BIRC6: variants seen among roughly 807,000 people sequenced by gnomAD.
BIRC6 encodes the protein baculoviral IAP repeat containing 6, also known as dual E2 ubiquitin-conjugating enzyme/E3 ubiquitin-protein ligase BIRC6.
In BIRC6, 98 loss-of-function variants were observed where a neutral mutation model predicts 503.3. That is an observed-to-expected ratio of 0.19 (90% CI 0.17 to 0.23). The LOEUF is 0.23. Among genes scored for constraint, BIRC6 ranks in the 10% least tolerant of loss-of-function variants. The pLI is 1.00. For missense variants in BIRC6, 5,360 were observed against 5,806.0 expected (o/e 0.92, Z 2.50); for synonymous variants, 2,240 against 2,078.7 (o/e 1.08, Z -2.11).
At chr2:32,509,442 A>G (rs1163365787) in intron 51 of BIRC6, among the ~76,000 whole-genome samples, 1 of 152,050 alleles carries the variant, frequency 6.6e-6, no homozygotes, top group Non-Finnish European at 1.5e-5. Flanking sequence ...TTTAGTAGAT[A>G]AGGGGTTTCA....
intron 65 of BIRC6, among the ~76,000 whole-genome samples, chr2:32,555,706 C>G (rs2058724237): frequency 6.6e-6 from 1 of 151,736 alleles, no homozygotes; most frequent in Admixed American, 6.6e-5. Context: ...TGTGGTGGCT[C>G]ACATCTGCAA....
At chr2:32,539,196 T>C (rs2057466575) in intron 61 of BIRC6, among the ~76,000 whole-genome samples, 1 of 152,226 alleles carries the variant, frequency 6.6e-6, no homozygotes, top group Non-Finnish European at 1.5e-5. Flanking sequence ...TTTAATAGCT[T>C]CAAAGTACAT....
chr2:32,504,492 C>G (rs1226111565), intron 49 of BIRC6, among the ~76,000 whole-genome samples: 1 of 151,586 alleles, frequency 6.6e-6, no homozygotes, highest in African/African-American at 2.4e-5. Context: ...ACGGTGAAAC[C>G]CCGTCTCTAC....
intron 1 of BIRC6, among the ~76,000 whole-genome samples, chr2:32,371,801 C>T (rs2035999306): frequency 6.6e-6 from 1 of 151,782 alleles, no homozygotes; most frequent in Non-Finnish European, 1.5e-5. Flanking sequence ...CATGTTTATT[C>T]TTTTTTTGTT....
intron 23 of BIRC6, among the ~76,000 whole-genome samples, chr2:32,461,042 CTTCTCTTCTCTTCTCTTCTCTTCTGTT>C (rs2047871457): frequency 1.3e-5 from 1 of 76,220 alleles, no homozygotes; most frequent in Admixed American, 1.4e-4. Context: ...CTTCTCTTCT[CTTCTCTTCTCTTCTCTTCTCTTCTGTT>C]CTCCTCTCCT....
chr2:32,503,747 T>C (rs2149494176), intron 49 of BIRC6, among the ~76,000 whole-genome samples: 1 of 151,950 alleles, frequency 6.6e-6, no homozygotes, highest in South Asian at 2.1e-4. Context: ...AACAGTTCTT[T>C]AGCAGTAAAG....
chr2:32,450,306 G>A (rs1395956724), intron 22 of BIRC6, among the ~76,000 whole-genome samples: 2 of 152,096 alleles, frequency 1.3e-5, no homozygotes, highest in African/African-American at 4.8e-5. Flanking sequence ...GTGAAACCCC[G>A]TCTCTACTAA....
At chr2:32,432,374 C>T (rs1037481137) in intron 12 of BIRC6, among the ~76,000 whole-genome samples, 7 of 152,016 alleles carry the variant, frequency 4.6e-5, no homozygotes, top group African/African-American at 1.7e-4. Context: ...AAGATTACGC[C>T]CCACTGCACT....
chr2:32,431,181 C>CTTTGTTTTTTTTTT (rs2044060115), intron 12 of BIRC6, 91 bp downstream of exon 12: 1 of 65,364 alleles, frequency 1.5e-5, no homozygotes, highest in African/African-American at 9.7e-5. Flanking sequence ...TACTGTTTAT[C>CTTTGTTTTTTTTTT]TTTTTTTTTT....
chr2:32,607,245 T>C (rs913809739), intron 71 of BIRC6, among the ~76,000 whole-genome samples: 7 of 152,290 alleles, frequency 4.6e-5, no homozygotes, highest in African/African-American at 1.4e-4. Flanking sequence ...AAAACAGATG[T>C]GTAAGTATTA....
intron 57 of BIRC6, among the ~76,000 whole-genome samples, chr2:32,521,649 T>A (rs2055728330): frequency 6.6e-6 from 1 of 151,078 alleles, no homozygotes; most frequent in Non-Finnish European, 1.5e-5. Context: ...TTGTATTTTT[T>A]TTTTTTTTTT....
chr2:32,496,237 T>A (rs2052455345), intron 45 of BIRC6, among the ~76,000 whole-genome samples: 1 of 152,156 alleles, frequency 6.6e-6, no homozygotes, highest in African/African-American at 2.4e-5. Flanking sequence ...CATACACTTT[T>A]TTTTTTTTGA....
chr2:32,567,925 AC>A (rs1184118411), intron 65 of BIRC6, among the ~76,000 whole-genome samples: 1 of 151,736 alleles, frequency 6.6e-6, no homozygotes, highest in Non-Finnish European at 1.5e-5. Context: ...CACAGTGAAA[AC>A]CCTTCTCTAC....
chr2:32,569,540 C>T (rs146485858), intron 65 of BIRC6, among the ~76,000 whole-genome samples: 122 of 151,918 alleles, frequency 8.0e-4, no homozygotes, highest in Non-Finnish European at 1.4e-3. Context: ...GACTAATTTC[C>T]TTTTTGGTTT....
At chr2:32,480,464 C>T (rs561304698) in intron 37 of BIRC6, among the ~76,000 whole-genome samples, 1 of 151,878 alleles carries the variant, frequency 6.6e-6, no homozygotes, top group South Asian at 2.1e-4. Flanking sequence ...ATTTACTAGG[C>T]ATTCTATAAA....
intron 50 of BIRC6, among the ~76,000 whole-genome samples, chr2:32,506,077 G>A (rs148193220): frequency 1.8e-4 from 27 of 152,098 alleles, no homozygotes; most frequent in African/African-American, 6.3e-4. Context: ...TCAAACTCCT[G>A]GGCTCATGGG....
chr2:32,498,973 C>T (rs1013993498), intron 45 of BIRC6, among the ~76,000 whole-genome samples: 1 of 152,190 alleles, frequency 6.6e-6, no homozygotes, highest in Non-Finnish European at 1.5e-5. Context: ...CCACCTGGGG[C>T]TCCCAAAGTG....
chr2:32,589,506 C>T (rs1450627230), intron 66 of BIRC6, among the ~76,000 whole-genome samples: 3 of 152,146 alleles, frequency 2.0e-5, no homozygotes, highest in African/African-American at 7.2e-5. Context: ...AGTTCCAGCC[C>T]TCCTACTTTG....
chr2:32,391,066 G>T (rs1242490647), intron 4 of BIRC6, among the ~76,000 whole-genome samples: 1 of 152,208 alleles, frequency 6.6e-6, no homozygotes, highest in Non-Finnish European at 1.5e-5. Flanking sequence ...AGTGCTTCTT[G>T]TCTGAGATCT....
Sources: allele counts gnomAD v4.1 joint callset (sites outside exome capture counted in the v4.1 genomes callset), GRCh38; gene constraint gnomAD v4.1.1; transcripts MANE v1.5; gene names NCBI Gene and HGNC (gene_info 2026-07-23, HGNC 2026-07-21).